The following CLMP variants were observed in gnomAD, a reference collection of about 807,000 sequenced individuals.
CLMP encodes the protein CXADR like cell adhesion molecule, also known as CXADR-like membrane protein.
In CLMP, 27 loss-of-function variants were observed where a neutral mutation model predicts 45.2. The ratio of observed to expected loss-of-function variants is 0.60; its 90% CI spans 0.44 to 0.82. The LOEUF is 0.82. Ranked by LOEUF, CLMP falls within the 40% of genes least tolerant of loss-of-function variation. The pLI, the probability that CLMP is intolerant of heterozygous loss-of-function variation, is 0.00. For synonymous variants in CLMP, 167 were observed against 171.4 expected, an observed-to-expected ratio of 0.97 and a Z score of 0.20; for missense variants, 403 against 448.4, an observed-to-expected ratio of 0.90 and a Z score of 0.91.
rs146904582 is a variant in CLMP, at chr11:123,178,153, T to C, written c.28+16760A>G. Among the ~76,000 whole-genome samples, 1,203 of 152,282 alleles carry C rather than the reference T, an allele frequency of 7.9e-3. 19 individuals carry two copies. Among genetic ancestry groups the C allele is most frequent in the African/African-American group, 0.028 (1,151 of 41,576 alleles). On this transcript the variant is annotated intron_variant, in intron 1 of 6. Transcript: ENST00000448775. Reference sequence around the variant, plus strand: ...GTGCTGGTATTACAGGCATGAGCCATGGTGCCTGGGCCAAATCTTGTTTTT... The same window carrying C: ...GTGCTGGTATTACAGGCATGAGCCACGGTGCCTGGGCCAAATCTTGTTTTT...
intron 1 of CLMP, among the ~76,000 whole-genome samples, chr11:123,129,212 C>T (rs1860945138): frequency 6.6e-6 from 1 of 151,634 alleles, no homozygotes; most frequent in Non-Finnish European, 1.5e-5. Flanking sequence ...TGCCTGTAAT[C>T]CCAGCTACTC....
intron 2 of CLMP, among the ~76,000 whole-genome samples, chr11:123,097,483 A>G (rs982979969): frequency 6.6e-5 from 10 of 152,184 alleles, no homozygotes; most frequent in Non-Finnish European, 1.5e-4. Flanking sequence ...GTTTACAGGC[A>G]TAGGCCACCA....
intron 1 of CLMP, among the ~76,000 whole-genome samples, chr11:123,101,644 AAATTAT>A (rs1462144693): frequency 6.6e-6 from 1 of 152,188 alleles, no homozygotes; most frequent in African/African-American, 2.4e-5. Context: ...ATCAGTGGGA[AAATTAT>A]AACAGTAAGC....
At chr11:123,102,117 G>A (rs1452582778) in intron 1 of CLMP, among the ~76,000 whole-genome samples, 3 of 151,822 alleles carry the variant, frequency 2.0e-5, no homozygotes, top group African/African-American at 7.3e-5. Context: ...TTGGAAAGTC[G>A]AGGCTGTTGT....
At chr11:123,087,280 T>C (rs1317637530) in intron 2 of CLMP, among the ~76,000 whole-genome samples, 1 of 151,710 alleles carries the variant, frequency 6.6e-6, no homozygotes, top group East Asian at 1.9e-4. Flanking sequence ...GAGGTTGCAA[T>C]GAGCCAAGAT....
At chr11:123,075,982 G>A (rs767560942) in intron 5 of CLMP, among the ~76,000 whole-genome samples, 17 of 152,080 alleles carry the variant, frequency 1.1e-4, no homozygotes, top group Non-Finnish European at 2.2e-4. Flanking sequence ...AGACCGGCCT[G>A]GCCAACATGG....
chr11:123,132,004 T>C lies in CLMP; in HGVS notation c.29-34052A>G, dbSNP rs556354227. On this transcript the variant is annotated intron_variant, in intron 1 of 6. Coordinates refer to ENST00000448775, the MANE Select transcript of CLMP (RefSeq NM_024769.5). ...CTCTCATAAGGATTAAATGCAATCT[T>C]GTTTAAAGCACGTTGTATAAAATTT... 4.6e-5 allele frequency among the ~76,000 whole-genome samples: 7 copies of C among 152,326 alleles called. No individual in the cohort carries two copies. In the South Asian group the frequency reaches 1.5e-3, roughly 32 times the overall value.
chr11:123,102,097 T>C (rs1187237329), intron 1 of CLMP, among the ~76,000 whole-genome samples: 1 of 151,668 alleles, frequency 6.6e-6, no homozygotes, highest in African/African-American at 2.4e-5. Context: ...GGTGGGAGGA[T>C]CACCTGAGCT....
At chr11:123,155,580 C>T (rs1419630712) in intron 1 of CLMP, among the ~76,000 whole-genome samples, 1 of 152,158 alleles carries the variant, frequency 6.6e-6, no homozygotes, top group East Asian at 1.9e-4. Flanking sequence ...AGAGGTCGAG[C>T]TAGAATTTTA....
At chr11:123,167,044 G>A (rs191825964) in intron 1 of CLMP, among the ~76,000 whole-genome samples, 29 of 152,320 alleles carry the variant, frequency 1.9e-4, no homozygotes, top group Middle Eastern at 3.4e-3. Context: ...GCCAGGCATG[G>A]CACTAGGTAC....
intron 1 of CLMP, among the ~76,000 whole-genome samples, chr11:123,194,164 C>T (rs904773805): frequency 6.6e-6 from 1 of 151,962 alleles, no homozygotes; most frequent in Non-Finnish European, 1.5e-5. Flanking sequence ...GCCTGGGGGA[C>T]CCCAGGAAGG....
intron 2 of CLMP, among the ~76,000 whole-genome samples, chr11:123,089,345 A>G (rs1865899860): frequency 6.6e-6 from 1 of 151,270 alleles, no homozygotes; most frequent in African/African-American, 2.5e-5. Context: ...AGATCATGCC[A>G]CTGCACTTCA....
At chr11:123,136,022 C>T (rs1861065919) in intron 1 of CLMP, 8 of 578,038 alleles carry the variant, frequency 1.4e-5, no homozygotes, top group Non-Finnish European at 6.8e-6. Flanking sequence ...TGTTGATTTC[C>T]GGTGCTGCTT....
rs111311468 is a variant in CLMP, at chr11:123,142,925, C to T, written c.29-44973G>A. Among the ~76,000 whole-genome samples the T allele has an allele frequency of 6.0e-3, 920 of 152,226 alleles. 10 individuals are homozygous for T. The highest frequency in any genetic ancestry group is 0.02 in the African/African-American group (833 of 41,542). Reference sequence around the variant, plus strand: ...ACAGGCGTGAGCCACCGCGCCCGGCCGATGAGGTTTCTTAAAACAGGCAGT... The same window carrying T: ...ACAGGCGTGAGCCACCGCGCCCGGCTGATGAGGTTTCTTAAAACAGGCAGT... On this transcript the variant is annotated intron_variant, in intron 1 of 6. Coordinates refer to ENST00000448775, the MANE Select transcript of CLMP (RefSeq NM_024769.5).
At chr11:123,135,497 G>A (rs1591472454) in intron 1 of CLMP, among the ~76,000 whole-genome samples, 1 of 151,908 alleles carries the variant, frequency 6.6e-6, no homozygotes, top group Non-Finnish European at 1.5e-5. Context: ...GCTAGGAATT[G>A]GGTTAAGGTA....
rs541777416 is a variant in CLMP, at chr11:123,070,479, A to G, written c.*2995T>C. The G allele has an allele frequency of 6.6e-5, 10 of 152,376 alleles. No homozygotes were observed. Among genetic ancestry groups the G allele is most frequent in the African/African-American group, 1.9e-4 (8 of 41,594 alleles). The allele number at this position is 152,376 out of a possible 1,614,324, so 9.4% of individuals were successfully genotyped here. The stretch of plus-strand genomic sequence containing the variant: ...ATTTCCAAAATAATTTGGGTAATCA[A>G]CTGGTATTTTAGCATTCTGGTAACT... On this transcript the variant is annotated 3_prime_UTR_variant, in exon 7 of 7. Transcript: ENST00000448775.
At chr11:123,125,461 TCCC>T (rs1860875055) in intron 1 of CLMP, among the ~76,000 whole-genome samples, 2 of 44,748 alleles carry the variant, frequency 4.5e-5, no homozygotes, top group African/African-American at 9.0e-5. Context: ...CTTCCCTCCC[TCCC>T]TCCTCCCTCC....
chr11:123,114,137 A>AG (rs1463153141), intron 1 of CLMP, among the ~76,000 whole-genome samples: 3 of 152,188 alleles, frequency 2.0e-5, no homozygotes, highest in Non-Finnish European at 4.4e-5. Context: ...ACAGAGGCAG[A>AG]GGGGGCGGGA....
At chr11:123,142,503 G>T (rs531162853) in intron 1 of CLMP, among the ~76,000 whole-genome samples, 2 of 152,148 alleles carry the variant, frequency 1.3e-5, no homozygotes, top group African/African-American at 4.8e-5. Flanking sequence ...TATAGTAAGC[G>T]GCTTTGACCT....
Sources: allele counts gnomAD v4.1 joint callset (sites outside exome capture counted in the v4.1 genomes callset), GRCh38; gene constraint gnomAD v4.1.1; transcripts MANE v1.5; gene names NCBI Gene and HGNC (gene_info 2026-07-23, HGNC 2026-07-21).